The following PIK3C2B variants were observed in gnomAD, a reference collection of about 807,000 sequenced individuals.
PIK3C2B encodes phosphatidylinositol 4-phosphate 3-kinase C2 domain-containing subunit beta.
In PIK3C2B, 83 loss-of-function variants were observed where a neutral mutation model predicts 184.3. That is an observed-to-expected ratio of 0.45 (90% CI 0.38 to 0.54). PIK3C2B has a LOEUF of 0.54. Ranked by LOEUF, PIK3C2B falls within the 20% of genes least tolerant of loss-of-function variation. PIK3C2B has a pLI of 0.00. For missense variants in PIK3C2B, 1,736 were observed against 2,113.5 expected (o/e 0.82, Z 3.50); for synonymous variants, 779 against 837.6 (o/e 0.93, Z 1.21).
chr1:204,473,611 G>C (rs570963157), intron 1 of PIK3C2B, among the ~76,000 whole-genome samples: 41 of 152,326 alleles, frequency 2.7e-4, no homozygotes, highest in African/African-American at 9.9e-4. Flanking sequence ...TATTTTCAGC[G>C]CTGAGCTAGG....
chr1:204,452,287 C>CGTTTTT (rs1558252010), intron 12 of PIK3C2B, among the ~76,000 whole-genome samples: 3 of 44,388 alleles, frequency 6.8e-5, no homozygotes, highest in African/African-American at 1.5e-4. Flanking sequence ...TGTGCAGCAC[C>CGTTTTT]CTTTTTTTTT....
intron 1 of PIK3C2B, among the ~76,000 whole-genome samples, chr1:204,478,551 A>G (rs550419777): frequency 7.6e-4 from 116 of 152,352 alleles, no homozygotes; most frequent in African/African-American, 2.7e-3. Context: ...ACATGCATCC[A>G]TAAGGTCTTT....
rs377074695 is a variant in PIK3C2B, at chr1:204,433,298, C to T, written c.3953+18G>A. 5.1e-5 allele frequency: 69 copies of T among 1,355,602 alleles called. No homozygotes were observed. Among genetic ancestry groups the T allele is most frequent in the Non-Finnish European group, 7.1e-5 (67 of 945,670 alleles). The allele number at this position is 1,355,602 out of a possible 1,614,324, so 84.0% of individuals were successfully genotyped here. ...ACTCAGGGTGGGCAGTGCTGATTCGCTCAGGGAATCATTTTACCTAGTGAA... is the reference window on the plus strand; with the variant it reads ...ACTCAGGGTGGGCAGTGCTGATTCGTTCAGGGAATCATTTTACCTAGTGAA... On this transcript the variant is annotated intron_variant, in intron 26 of 32. Coordinates refer to ENST00000684373, the MANE Select transcript of PIK3C2B (RefSeq NM_001377334.1). This position sits in a 1 kb window ranked among gnomAD's most constrained non-coding sequence, Gnocchi z 5.0.
chr1:204,457,292 G>A (rs563780262), intron 9 of PIK3C2B, among the ~76,000 whole-genome samples: 172 of 152,328 alleles, frequency 1.1e-3, no homozygotes, highest in Non-Finnish European at 2.1e-3. Context: ...ACCCTTCTGA[G>A]ATATCCCAAC....
At chr1:204,427,817 T>C in intron 30 of PIK3C2B, 63 bp from the exon 31 acceptor site, 1 of 1,165,234 alleles carries the variant, frequency 8.6e-7, no homozygotes, top group Non-Finnish European at 1.3e-6. Flanking sequence ...GTTTTCTTCC[T>C]GAACCCCCTT....
chr1:204,452,288 C>CT (rs71145086), intron 12 of PIK3C2B, among the ~76,000 whole-genome samples: 1,923 of 70,918 alleles, frequency 0.027, 261 homozygotes, highest in East Asian at 0.084. Context: ...GTGCAGCACC[C>CT]TTTTTTTTTT....
intron 24 of PIK3C2B, 65 bp downstream of exon 24, chr1:204,434,374 C>A (rs1675230754): frequency 7.5e-6 from 11 of 1,457,118 alleles, no homozygotes; most frequent in Admixed American, 1.8e-5. Context: ...TGTGTCCCAG[C>A]TCTGAACCAC....
chr1:204,486,694 C>T lies in PIK3C2B; in HGVS notation c.-85+7662G>A, dbSNP rs149935498. Among the ~76,000 whole-genome samples the T allele has an allele frequency of 6.2e-3, 949 of 152,304 alleles. 11 individuals carry two copies. Among genetic ancestry groups the T allele is most frequent in the African/African-American group, 0.022 (909 of 41,574 alleles). ...GCAATGACCCGAGATTGCGCCATTG[C>T]ACTCCAGCCTGGACGACTGAGGGAG... On this transcript the variant is annotated intron_variant, in intron 1 of 32. Transcript: ENST00000684373.
chr1:204,456,931 G>A (rs999223833), intron 10 of PIK3C2B, 106 bp downstream of exon 10: 37 of 778,140 alleles, frequency 4.8e-5, no homozygotes, highest in South Asian at 1.0e-4. Context: ...CACACCAGCC[G>A]AACTCCGACA....
intron 1 of PIK3C2B, among the ~76,000 whole-genome samples, chr1:204,492,362 T>C (rs911480570): frequency 6.6e-6 from 1 of 152,192 alleles, no homozygotes; most frequent in Non-Finnish European, 1.5e-5. Flanking sequence ...GACACTGTTT[T>C]CTCTACTACT....
intron 28 of PIK3C2B, 198 bp downstream of exon 28, chr1:204,431,471 T>G: frequency 1.6e-6 from 1 of 622,208 alleles, no homozygotes; most frequent in South Asian, 1.9e-5. Context: ...GGGCCTGGAG[T>G]GAGAGCTCTT....
At chr1:204,449,788 CCT>C in intron 13 of PIK3C2B, 60 bp downstream of exon 13, 2 of 1,460,794 alleles carry the variant, frequency 1.4e-6, no homozygotes, top group Non-Finnish European at 1.8e-6. Flanking sequence ...CAGCCAGGCC[CCT>C]TTCTCTGTCC....
At chr1:204,459,052 T>G (rs1655103405) in intron 8 of PIK3C2B, among the ~76,000 whole-genome samples, 1 of 150,394 alleles carries the variant, frequency 6.6e-6, no homozygotes, top group African/African-American at 2.4e-5. Context: ...TCTCACTCTG[T>G]CACGCAGGCT....
Position 204,433,580 on chromosome 1 carries a change from G to A in PIK3C2B, c.3844-155C>T, listed in dbSNP as rs574023957. On this transcript the variant is annotated intron_variant, in intron 25 of 32. Transcript: ENST00000684373. This position sits in a 1 kb window ranked among gnomAD's most constrained non-coding sequence, Gnocchi z 5.0. ...GTGGGCAGTGGCTGGAGGGCCACAG[G>A]AACTGAAGGGCTGGAGCAGGGAGTC... 1.3e-5 allele frequency among the ~76,000 whole-genome samples: 2 copies of A among 152,300 alleles called. No homozygotes were observed. Among genetic ancestry groups the A allele is most frequent in the East Asian group, 3.9e-4 (2 of 5,178 alleles).
At chr1:204,477,363 C>T (rs370619144) in intron 1 of PIK3C2B, among the ~76,000 whole-genome samples, 28 of 152,234 alleles carry the variant, frequency 1.8e-4, no homozygotes, top group African/African-American at 6.7e-4. Context: ...GACAAGAAGA[C>T]CTGGGTAGAG....
Position 204,459,948 on chromosome 1 carries a change from G to A in PIK3C2B, c.1503-7C>T, listed in dbSNP as rs1190825660. 23 of 1,613,366 alleles carry A rather than the reference G, an allele frequency of 1.4e-5. No homozygotes were observed. Among genetic ancestry groups the A allele is most frequent in the Non-Finnish European group, 1.9e-5 (23 of 1,179,636 alleles). On this transcript the variant is annotated splice_polypyrimidine_tract_variant and splice_region_variant and intron_variant, in intron 7 of 32. Coordinates refer to ENST00000684373, the MANE Select transcript of PIK3C2B (RefSeq NM_001377334.1). ...CAGAAGACTCAGGGCCTGCCTGGGA[G>A]TTGGGGGCAGGGAAAAACCACAGGA...
chr1:204,431,476 G>A, intron 28 of PIK3C2B, 193 bp downstream of exon 28: 1 of 636,800 alleles, frequency 1.6e-6, no homozygotes. Context: ...TGGAGTGAGA[G>A]CTCTTGCGTG....
chr1:204,460,620 C>G lies in PIK3C2B; in HGVS notation c.1352G>C (p.Arg451Pro), dbSNP rs1164204116. ...TAGCCGAATGTCAATGTCAAACTTG[C>G]GGCAGTATTGGATGTACTCATGACT... is the stretch of plus-strand genomic sequence containing the variant. ...LGSHEYIQYC[R>P]KFDIDIRLQL... Residue 451 changes from arginine (R) to proline (P), a missense_variant, in exon 6 of 33, where the codon CGC (arginine) becomes CCC (proline). Arg to Pro is a moderately radical substitution (Grantham distance 103). This residue lies in a region of PIK3C2B where 609 missense variants were observed against 699.2 expected (regional missense o/e 0.87). Coordinates refer to ENST00000684373, the MANE Select transcript of PIK3C2B (RefSeq NM_001377334.1). 1 of 1,613,868 alleles carries G rather than the reference C, an allele frequency of 6.2e-7. No homozygotes were observed. The highest frequency in any genetic ancestry group is 8.5e-7 in the Non-Finnish European group (1 of 1,179,932).
Position 204,469,383 on chromosome 1 carries a change from C to G in PIK3C2B, c.420G>C (p.Ser140=). Residue 140 remains serine (S), a synonymous_variant, in exon 2 of 33, where the codon TCG becomes TCC. Coordinates refer to ENST00000684373, the MANE Select transcript of PIK3C2B (RefSeq NM_001377334.1). ...CCTCTATGTCCCCTGGTCCTGGGGACGAAGAGACTCCCCCATCTGAACCAT... is the reference window on the plus strand; with the variant it reads ...CCTCTATGTCCCCTGGTCCTGGGGAGGAAGAGACTCCCCCATCTGAACCAT... The part of the protein sequence containing the change: ...IFDGSDGGVS[S]SPGPGDIEGS... The G allele has an allele frequency of 6.5e-7, 1 of 1,532,372 alleles. No individual in the cohort carries two copies. The highest frequency in any genetic ancestry group is 8.7e-7 in the Non-Finnish European group (1 of 1,143,772). 94.9% of individuals were successfully genotyped at this position (1,532,372 alleles called of 1,614,324 possible).
Sources: gnomAD v4.1 joint callset for allele counts (sites outside exome capture counted in the v4.1 genomes callset) on GRCh38, gnomAD v4.1.1 for gene constraint, gnomAD v4.1.1 regional missense constraint, Gnocchi (gnomAD v3.1) non-coding constraint, MANE v1.5 for transcripts, NCBI Gene and HGNC (gene_info 2026-07-23, HGNC 2026-07-21) for gene names.